Variants in TCF4 observed in about 807,000 individuals in gnomAD.
TCF4 encodes the protein SL3-3 enhancer factor 2.
In TCF4, 3 loss-of-function variants were observed where a neutral mutation model predicts 82.1. The ratio of observed to expected loss-of-function variants is 0.04; its 90% CI spans 0.02 to 0.09. TCF4 has a LOEUF of 0.09. Ranked by LOEUF, TCF4 falls within the 10% of genes least tolerant of loss-of-function variation. The pLI is 1.00. For synonymous variants in TCF4, 276 were observed against 309.6 expected, an observed-to-expected ratio of 0.89 and a Z score of 1.14; for missense variants, 518 against 852.7, an observed-to-expected ratio of 0.61 and a Z score of 4.89.
intron 6 of TCF4, chr18:55,402,201 G>T: frequency 1.0e-6 from 1 of 985,358 alleles, no homozygotes; most frequent in Non-Finnish European, 1.2e-6. Flanking sequence ...TTCAGATGCC[G>T]AATATGACTG....
chr18:55,589,423 A>T (rs2097679100), upstream of TCF4: 6 of 1,056,722 alleles, frequency 5.7e-6, no homozygotes, highest in Non-Finnish European at 6.9e-6. Flanking sequence ...ACTGGTACTC[A>T]GTCCTGCTCC....
chr18:55,630,365 A>G (rs971531722), intron 2 of TCF4, among the ~76,000 whole-genome samples: 12 of 152,230 alleles, frequency 7.9e-5, no homozygotes, highest in African/African-American at 2.4e-4. Flanking sequence ...TGTTGATTGC[A>G]TACTATTTCA....
intron 5 of TCF4, among the ~76,000 whole-genome samples, chr18:55,417,093 C>G (rs1311214357): frequency 6.6e-6 from 1 of 152,230 alleles, no homozygotes; most frequent in African/African-American, 2.4e-5. Context: ...TCAGCAAATG[C>G]ATCACAATTA....
rs147618116 is a variant in TCF4, at chr18:55,573,634, C to T, written c.145+11646G>A. 3.3e-5 allele frequency among the ~76,000 whole-genome samples: 5 copies of T among 152,314 alleles called. No homozygotes were observed. The East Asian group carries it at 9.7e-4, about 29-fold the overall frequency. On this transcript the variant is annotated intron_variant, in intron 3 of 19. Coordinates refer to ENST00000354452, the MANE Select transcript of TCF4 (RefSeq NM_001083962.2). ...CCCTACCTGTCAGCCAAGCAACCTC[C>T]ATCCACTTAACTCCTCCTCATCTGT...
At chr18:55,438,136 G>A (rs2095367014) in intron 5 of TCF4, among the ~76,000 whole-genome samples, 1 of 151,676 alleles carries the variant, frequency 6.6e-6, no homozygotes, top group Non-Finnish European at 1.5e-5. Flanking sequence ...GGGAGGTGGA[G>A]GTTGCAGTGA....
At chr18:55,561,703 C>T (rs537041514) in intron 3 of TCF4, among the ~76,000 whole-genome samples, 5 of 152,192 alleles carry the variant, frequency 3.3e-5, no homozygotes, top group African/African-American at 1.2e-4. Flanking sequence ...TTTTAGATAG[C>T]TTGTCTGTTA....
intron 8 of TCF4, among the ~76,000 whole-genome samples, chr18:55,312,891 A>C (rs1048552396): frequency 6.6e-6 from 1 of 152,152 alleles, no homozygotes; most frequent in Non-Finnish European, 1.5e-5. Context: ...GTTAATAGAA[A>C]AATCAATTTT....
At chr18:55,285,958 G>C (rs530775449) in intron 8 of TCF4, among the ~76,000 whole-genome samples, 6 of 152,236 alleles carry the variant, frequency 3.9e-5, no homozygotes, top group Admixed American at 3.3e-4. Context: ...GAGTACTATT[G>C]CATATTTCTT....
chr18:55,449,461 G>C (rs2095583541), intron 5 of TCF4, among the ~76,000 whole-genome samples: 1 of 152,158 alleles, frequency 6.6e-6, no homozygotes, highest in South Asian at 2.1e-4. Context: ...CAATTACTCT[G>C]AAAGTTCTGA....
chr18:55,445,405 G>A (rs188456147), intron 5 of TCF4, among the ~76,000 whole-genome samples: 487 of 152,198 alleles, frequency 3.2e-3, no homozygotes, highest in Admixed American at 5.0e-3. Context: ...ACATGGCTGG[G>A]GAAGCCTCAC....
chr18:55,263,363 T>G (rs1026542439), intron 11 of TCF4, among the ~76,000 whole-genome samples: 1 of 152,112 alleles, frequency 6.6e-6, no homozygotes, highest in African/African-American at 2.4e-5. Flanking sequence ...AGCTCAGATA[T>G]CAAGAGTATT....
chr18:55,538,548 C>G (rs1407466610), intron 3 of TCF4, among the ~76,000 whole-genome samples: 1 of 152,166 alleles, frequency 6.6e-6, no homozygotes, highest in East Asian at 1.9e-4. Flanking sequence ...CTTCAGTCTC[C>G]GGAAGGAATC....
chr18:55,451,637 A>G (rs573504795), intron 5 of TCF4, among the ~76,000 whole-genome samples: 4 of 152,304 alleles, frequency 2.6e-5, no homozygotes, highest in African/African-American at 9.6e-5. Flanking sequence ...AGAAGTTTCA[A>G]GGATGTGAGG....
chr18:55,250,467 T>C (rs1047041003), intron 15 of TCF4, among the ~76,000 whole-genome samples: 4 of 152,212 alleles, frequency 2.6e-5, no homozygotes, highest in Admixed American at 1.3e-4. Context: ...TCATAGATAA[T>C]CTCTGGAGAG....
chr18:55,407,038 C>G (rs1194606144), intron 5 of TCF4, among the ~76,000 whole-genome samples: 1 of 151,050 alleles, frequency 6.6e-6, no homozygotes, highest in East Asian at 1.9e-4. Context: ...TAAAAGTACC[C>G]GTTAGTAACA....
intron 3 of TCF4, among the ~76,000 whole-genome samples, chr18:55,526,223 C>T (rs2096982131): frequency 6.6e-6 from 1 of 152,188 alleles, no homozygotes; most frequent in Admixed American, 6.5e-5. Context: ...CTACTGCTCA[C>T]ATCACACTTG....
At chr18:55,369,773 T>C (rs553312685) in intron 6 of TCF4, among the ~76,000 whole-genome samples, 1 of 152,214 alleles carries the variant, frequency 6.6e-6, no homozygotes, top group African/African-American at 2.4e-5. Context: ...AATGTATTCA[T>C]TAAATGTTTA....
chr18:55,288,566 T>C (rs2064250674), intron 8 of TCF4, among the ~76,000 whole-genome samples: 1 of 152,210 alleles, frequency 6.6e-6, no homozygotes, highest in African/African-American at 2.4e-5. Flanking sequence ...GCTCATGGAC[T>C]CCTACCAAAA....
At position 55,464,070 on chromosome 18, in the gene TCF4, A is replaced by G; in HGVS notation, c.207+6T>C. On this transcript the variant is annotated splice_donor_region_variant and intron_variant, in intron 4 of 19. Coordinates refer to ENST00000354452, the MANE Select transcript of TCF4 (RefSeq NM_001083962.2). The stretch of plus-strand genomic sequence containing the variant: ...GGTTGTGGGAGAAAAGATTAGATAT[A>G]CTTACCCTGGACGGGCTTGGATGTC... The G allele has an allele frequency of 6.2e-7, 1 of 1,613,578 alleles. No homozygotes were observed. Among genetic ancestry groups the G allele is most frequent in the East Asian group, 2.2e-5 (1 of 44,860 alleles).
Sources: gnomAD v4.1 joint callset for allele counts (sites outside exome capture counted in the v4.1 genomes callset) on GRCh38, gnomAD v4.1.1 for gene constraint, MANE v1.5 for transcripts, NCBI Gene and HGNC (gene_info 2026-07-23, HGNC 2026-07-21) for gene names.